The following ACAN variants were observed in gnomAD, a reference collection of about 807,000 sequenced individuals.
ACAN encodes aggrecan.
A neutral mutation model predicts 169.1 loss-of-function variants in ACAN; 47 were observed. The ratio of observed to expected loss-of-function variants is 0.28; its 90% CI spans 0.22 to 0.35. The LOEUF (loss-of-function observed/expected upper bound fraction) is 0.35. ACAN is among the 10% of genes least tolerant of loss of function. The probability of loss-of-function intolerance (pLI) is 1.00; values close to 1 mark genes in which losing one functional copy is unlikely to be tolerated. For missense variants in ACAN, 2,716 were observed against 2,759.9 expected (o/e 0.98, Z 0.36); for synonymous variants, 1,115 against 1,112.2 (o/e 1.00, Z -0.05).
Position 88,858,066 on chromosome 15 carries a change from T to G in ACAN, c.5481T>G (p.Ser1827=). 1 of 1,613,948 alleles carries G rather than the reference T, an allele frequency of 6.2e-7. No individual in the cohort carries two copies. The highest frequency in any genetic ancestry group is 8.5e-7 in the Non-Finnish European group (1 of 1,179,882). ...CCACGAGTGGCAGCGGTGAATCTTC[T>G]GGGATTACATTTGTGGACACCAGTT... ...SGTTSGSGES[S]GITFVDTSLV... is the part of the protein sequence containing the mutation. Residue 1827 remains serine (S), a synonymous_variant, in exon 12 of 19, where the codon TCT becomes TCG. Coordinates refer to ENST00000560601, the MANE Select transcript of ACAN (RefSeq NM_001369268.1). This position sits in a 1 kb window ranked among gnomAD's most constrained non-coding sequence, Gnocchi z 4.0.
In ACAN at chr15:88,849,431, C is replaced by T. The variant is rs779327158; in HGVS notation, c.1733-7C>T. The T allele has an allele frequency of 1.3e-5, 21 of 1,573,140 alleles. No homozygotes were observed. The highest frequency in any genetic ancestry group is 1.8e-5 in the Non-Finnish European group (21 of 1,156,154). Reference sequence around the variant, plus strand: ...GGTCATATTCTACCCCTTGCCTCTGCCCCCAGGGGAGGTGTTCTTCGCCAC... The same window carrying T: ...GGTCATATTCTACCCCTTGCCTCTGTCCCCAGGGGAGGTGTTCTTCGCCAC... On this transcript the variant is annotated splice_polypyrimidine_tract_variant and splice_region_variant and intron_variant, in intron 9 of 18. Coordinates refer to ENST00000560601, the MANE Select transcript of ACAN (RefSeq NM_001369268.1). This position sits in a 1 kb window ranked among gnomAD's most constrained non-coding sequence, Gnocchi z 5.1.
chr15:88,872,909 C>T lies in ACAN; in HGVS notation c.7331C>T (p.Pro2444Leu). ...MQFENWRPNQ[P>L]DNFFAAGEDC... ...TTTGAGAACTGGCGCCCCAACCAGC[C>T]TGACAACTTTTTTGCCGCTGGAGAG... Residue 2444 changes from proline to leucine, a missense_variant, in exon 17 of 19, where the codon CCT becomes CTT. By Grantham distance (98) the Pro-to-Leu change is moderately conservative. Around this residue, in one of 3 missense-constraint regions of ACAN, gnomAD observed 1,389 missense variants for 1,363.7 expected, o/e 1.02. Transcript: ENST00000560601. This position sits in a 1 kb window ranked among gnomAD's most constrained non-coding sequence, Gnocchi z 5.4. 1 of 1,613,852 alleles carries T rather than the reference C, an allele frequency of 6.2e-7. No homozygotes were observed. The highest frequency in any genetic ancestry group is 8.5e-7 in the Non-Finnish European group (1 of 1,179,912).
intron 1 of ACAN, among the ~76,000 whole-genome samples, chr15:88,813,913 A>G (rs568078861): frequency 6.6e-6 from 1 of 151,128 alleles, no homozygotes; most frequent in Admixed American, 6.6e-5. Context: ...TGCCCTGGGG[A>G]CCTCCCCTGA....
Position 88,849,784 on chromosome 15 carries a change from A to G in ACAN, c.2026+53A>G. 4 of 1,589,252 alleles carry G rather than the reference A, an allele frequency of 2.5e-6. No homozygotes were observed. The highest frequency in any genetic ancestry group is 1.8e-5 in the Admixed American group (1 of 56,398). On this transcript the variant is annotated intron_variant, in intron 10 of 18. Coordinates refer to ENST00000560601, the MANE Select transcript of ACAN (RefSeq NM_001369268.1). This position sits in a 1 kb window ranked among gnomAD's most constrained non-coding sequence, Gnocchi z 5.1. ...GCCCCTTTTGTCTGGAGAGGACCCC[A>G]CTGGGTTCACCGGATCCTGCCACCA...
intron 1 of ACAN, among the ~76,000 whole-genome samples, chr15:88,822,531 A>G (rs941185565): frequency 1.3e-5 from 2 of 150,050 alleles, no homozygotes; most frequent in Admixed American, 1.3e-4. Context: ...CAATGGCGTG[A>G]TCTTGGCTCA....
At chr15:88,853,612 T>C (rs1275848725) in intron 11 of ACAN, among the ~76,000 whole-genome samples, 1 of 152,012 alleles carries the variant, frequency 6.6e-6, no homozygotes, top group Non-Finnish European at 1.5e-5. Flanking sequence ...CACTGCAGCC[T>C]GGGCAACAGA....
chr15:88,859,495 A>C, intron 12 of ACAN, 78 bp downstream of exon 12: 2 of 1,543,712 alleles, frequency 1.3e-6, no homozygotes, highest in Non-Finnish European at 8.8e-7. Context: ...AGGAGGCAGC[A>C]TAGCTTTAAG....
chr15:88,841,973 G>A, intron 5 of ACAN, 106 bp downstream of exon 5: 2 of 1,455,004 alleles, frequency 1.4e-6, no homozygotes, highest in Non-Finnish European at 1.9e-6. Flanking sequence ...GCCAGCTCAG[G>A]GCCTGACACA....
At chr15:88,847,819 G>C (rs1896832248) in intron 8 of ACAN, 92 bp from the exon 9 acceptor site, 1 of 1,456,510 alleles carries the variant, frequency 6.9e-7, no homozygotes, top group Non-Finnish European at 9.2e-7. Flanking sequence ...ACATCTCCAA[G>C]TCCCTGAGTA....
At position 88,857,347 on chromosome 15, in the gene ACAN, G is replaced by C; in HGVS notation, c.4762G>C (p.Gly1588Arg). 1.2e-6 allele frequency: 2 copies of C among 1,613,956 alleles called. No homozygotes were observed. Among genetic ancestry groups the C allele is most frequent in the Non-Finnish European group, 1.7e-6 (2 of 1,179,900 alleles). Reference sequence around the variant, plus strand: ...AGCTTCTGGAGCTGAGGACCTCAGTGGGTTGCCTTCTGGAAAAGAAGACTT... The same window carrying C: ...AGCTTCTGGAGCTGAGGACCTCAGTCGGTTGCCTTCTGGAAAAGAAGACTT... ...TSASGAEDLS[G>R]LPSGKEDLVG... Residue 1588 changes from glycine to arginine, a missense_variant, in exon 12 of 19, where the codon GGG (glycine) becomes CGG (arginine). Gly to Arg is a moderately radical substitution (Grantham distance 125). Coordinates refer to ENST00000560601, the MANE Select transcript of ACAN (RefSeq NM_001369268.1).
chr15:88,810,109 C>T (rs1372017711), intron 1 of ACAN, among the ~76,000 whole-genome samples: 5 of 152,074 alleles, frequency 3.3e-5, no homozygotes, highest in Non-Finnish European at 5.9e-5. Context: ...TCCCAGAGAG[C>T]GGAGGACACT....
intron 1 of ACAN, among the ~76,000 whole-genome samples, chr15:88,806,127 C>T (rs1596107732): frequency 6.6e-6 from 1 of 152,178 alleles, no homozygotes; most frequent in African/African-American, 2.4e-5. Context: ...TTCATTTCCT[C>T]TTCTCTAAAA....
At chr15:88,867,449 C>G (rs1333308377) in intron 13 of ACAN, among the ~76,000 whole-genome samples, 2 of 152,182 alleles carry the variant, frequency 1.3e-5, no homozygotes, top group African/African-American at 2.4e-5. Context: ...TGGAGTCCCT[C>G]TAGAACTTGT....
intron 1 of ACAN, among the ~76,000 whole-genome samples, chr15:88,816,899 T>A (rs1895954641): frequency 6.6e-6 from 1 of 152,146 alleles, no homozygotes; most frequent in South Asian, 2.1e-4. Flanking sequence ...GAGCCCCAAA[T>A]CTGTTGAACA....
At chr15:88,809,077 A>G (rs1895756561) in intron 1 of ACAN, among the ~76,000 whole-genome samples, 2 of 152,190 alleles carry the variant, frequency 1.3e-5, no homozygotes, top group South Asian at 2.1e-4. Context: ...GAAAGCAAAT[A>G]AAGGACCTGG....
Position 88,838,067 on chromosome 15 carries a change from G to A in ACAN, c.71-596G>A, listed in dbSNP as rs1004257554. On this transcript the variant is annotated intron_variant, in intron 2 of 18. Coordinates refer to ENST00000560601, the MANE Select transcript of ACAN (RefSeq NM_001369268.1). This position sits in a 1 kb window ranked among gnomAD's most constrained non-coding sequence, Gnocchi z 5.1. ...TCGCCTCTCCTGCATCTGACTGTTTGCACACCAAAAGGTCTGATCTTCTCG... is the reference window on the plus strand; with the variant it reads ...TCGCCTCTCCTGCATCTGACTGTTTACACACCAAAAGGTCTGATCTTCTCG... 6.6e-6 allele frequency among the ~76,000 whole-genome samples: 1 copy of A among 151,698 alleles called. No individual in the cohort carries two copies. The highest frequency in any genetic ancestry group is 1.5e-5 in the Non-Finnish European group (1 of 67,960).
rs748932986 is a variant in ACAN, at chr15:88,847,322, G to A, written c.1509G>A (p.Thr503=). 9 of 1,579,386 alleles carry A rather than the reference G, an allele frequency of 5.7e-6. No homozygotes were observed. The highest frequency in any genetic ancestry group is 1.8e-4 in the Middle Eastern group (1 of 5,570). The part of the protein sequence containing the change: ...FEEAQQACLR[T]GAVIASPEQL... ...AGGCACAGCAGGCCTGCCTGCGCAC[G>A]GGGGCGGTCATTGCCTCGCCGGAGC... is the stretch of plus-strand genomic sequence containing the variant. Residue 503 remains threonine (T), a synonymous_variant, in exon 8 of 19, where the codon ACG becomes ACA. Coordinates refer to ENST00000560601, the MANE Select transcript of ACAN (RefSeq NM_001369268.1).
At chr15:88,804,134 A>G (rs1895615570) in intron 1 of ACAN, among the ~76,000 whole-genome samples, 1 of 152,194 alleles carries the variant, frequency 6.6e-6, no homozygotes, top group Non-Finnish European at 1.5e-5. Context: ...GGAAAGACCC[A>G]TGGTTGACAG....
At chr15:88,825,853 A>G (rs1406976670) in intron 1 of ACAN, among the ~76,000 whole-genome samples, 1 of 152,098 alleles carries the variant, frequency 6.6e-6, no homozygotes, top group Non-Finnish European at 1.5e-5. Context: ...AAAAGCTCAC[A>G]CAGGCCTTCG....
Sources: gnomAD v4.1 joint callset for allele counts (sites outside exome capture counted in the v4.1 genomes callset) on GRCh38, gnomAD v4.1.1 for gene constraint, gnomAD v4.1.1 regional missense constraint, Gnocchi (gnomAD v3.1) non-coding constraint, MANE v1.5 for transcripts, NCBI Gene and HGNC (gene_info 2026-07-23, HGNC 2026-07-21) for gene names.